PCDHGA10: variants seen among roughly 807,000 people sequenced by gnomAD.
The protein encoded by PCDHGA10 is protocadherin gamma subfamily A, 10.
Under a neutral mutation model 59.5 loss-of-function variants are expected in PCDHGA10, and 42 were observed. That is an observed-to-expected ratio of 0.71 (90% CI 0.55 to 0.91). The LOEUF is 0.91. PCDHGA10 is among the 40% of genes least tolerant of loss of function. PCDHGA10 has a pLI of 0.00. For missense variants in PCDHGA10, 1,111 were observed against 1,198.2 expected, an observed-to-expected ratio of 0.93 and a Z score of 1.07; for synonymous variants, 511 against 517.2, an observed-to-expected ratio of 0.99 and a Z score of 0.16.
intron 1 of PCDHGA10, among the ~76,000 whole-genome samples, chr5:141,424,884 T>C (rs953145254): frequency 2.0e-5 from 3 of 152,186 alleles, no homozygotes; most frequent in Non-Finnish European, 4.4e-5. Flanking sequence ...AGGAGACTTA[T>C]CTAGGGTTTT....
At position 141,476,409 on chromosome 5, in the gene PCDHGA10, G is replaced by A. The variant is rs1226666958; in HGVS notation, c.2437-18398G>A. The A allele has an allele frequency of 6.2e-7, 1 of 1,614,154 alleles. No homozygotes were observed. The highest frequency in any genetic ancestry group is 1.7e-5 in the Admixed American group (1 of 60,030). ...GACCGTCTGGATCGAGAGGAGCTGT[G>A]TGGGACACTGCCCTCTTGCACTGTA... is the stretch of plus-strand genomic sequence containing the variant. On this transcript the variant is annotated intron_variant, in intron 1 of 3. Coordinates refer to ENST00000398610, the MANE Select transcript of PCDHGA10 (RefSeq NM_018913.3). The surrounding 1 kb of genome is among the most constrained non-coding windows in gnomAD (Gnocchi z 7.6).
chr5:141,458,593 C>T (rs1352799952), intron 1 of PCDHGA10, among the ~76,000 whole-genome samples: 4 of 151,402 alleles, frequency 2.6e-5, no homozygotes, highest in Non-Finnish European at 5.9e-5. Flanking sequence ...GTTTTGGAGA[C>T]GAGTCTCACT....
chr5:141,441,923 C>A, intron 1 of PCDHGA10: 2 of 351,136 alleles, frequency 5.7e-6, no homozygotes, highest in Non-Finnish European at 5.5e-6. Context: ...AGACACAATG[C>A]GTGGCTGTCC....
chr5:141,425,934 G>A lies in PCDHGA10; in HGVS notation c.2436+10323G>A, dbSNP rs1237431530. Among the ~76,000 whole-genome samples, 4 of 152,352 alleles carry A rather than the reference G, an allele frequency of 2.6e-5. 1 individual carries two copies. Among genetic ancestry groups the A allele is most frequent in the East Asian group, 1.9e-4 (1 of 5,188 alleles). On this transcript the variant is annotated intron_variant, in intron 1 of 3. Coordinates refer to ENST00000398610, the MANE Select transcript of PCDHGA10 (RefSeq NM_018913.3). ...CAGTCACTACGAAAACTCATAAAAT[G>A]TCTAGTTTCCTATACATTAGTCCAA...
Position 141,413,423 on chromosome 5 carries a change from C to A in PCDHGA10, c.248C>A (p.Pro83Gln), listed in dbSNP as rs770419729. 6.2e-7 allele frequency: 1 copy of A among 1,614,078 alleles called. No individual in the cohort carries two copies. The highest frequency in any genetic ancestry group is 8.5e-7 in the Non-Finnish European group (1 of 1,179,960). The change falls in exon 1 of 4, where the codon CCG (proline) becomes CAG (glutamine). Residue 83 changes from proline (P) to glutamine (Q), a missense_variant. Transcript: ENST00000398610. ...RGRTQLFSLN[P>Q]RSGSLITAGR... Reference sequence around the variant, plus strand: ...AGGACGCAGCTTTTCTCTCTGAACCCGCGCAGCGGCAGCTTGATCACCGCG... The same window carrying A: ...AGGACGCAGCTTTTCTCTCTGAACCAGCGCAGCGGCAGCTTGATCACCGCG...
At position 141,486,706 on chromosome 5, in the gene PCDHGA10, C is replaced by G; in HGVS notation, c.2437-8101C>G. 6.2e-7 allele frequency: 1 copy of G among 1,614,154 alleles called. No homozygotes were observed. Among genetic ancestry groups the G allele is most frequent in the Non-Finnish European group, 8.5e-7 (1 of 1,180,024 alleles). ...CAGCTTCCTCTTTCATCTCTCTGAA[C>G]CCCCAGACAGGAGCTGTTCATGCTA... On this transcript the variant is annotated intron_variant, in intron 1 of 3. Coordinates refer to ENST00000398610, the MANE Select transcript of PCDHGA10 (RefSeq NM_018913.3). This position sits in a 1 kb window ranked among gnomAD's most constrained non-coding sequence, Gnocchi z 5.0.
At chr5:141,500,499 G>A (rs531501031) in intron 2 of PCDHGA10, among the ~76,000 whole-genome samples, 11 of 151,970 alleles carry the variant, frequency 7.2e-5, no homozygotes, top group African/African-American at 2.7e-4. Context: ...GTGAGCCACC[G>A]CGCCTGGCCG....
At chr5:141,461,617 C>T (rs1297064745) in intron 1 of PCDHGA10, among the ~76,000 whole-genome samples, 1 of 152,090 alleles carries the variant, frequency 6.6e-6, no homozygotes, top group African/African-American at 2.4e-5. Flanking sequence ...AAAGTATTTT[C>T]TAATACACCT....
chr5:141,503,268 C>A (rs1038268807), intron 2 of PCDHGA10, among the ~76,000 whole-genome samples: 6 of 152,068 alleles, frequency 3.9e-5, no homozygotes, highest in African/African-American at 7.2e-5. Context: ...AACCCCAGCA[C>A]CTGGCTCTGT....
intron 1 of PCDHGA10, chr5:141,419,328 C>T (rs2096360351): frequency 6.2e-7 from 1 of 1,613,954 alleles, no homozygotes. Context: ...GTCTCCTACT[C>T]TCTCATTGCC....
chr5:141,503,812 G>C (rs2099831825), intron 2 of PCDHGA10, among the ~76,000 whole-genome samples: 1 of 152,114 alleles, frequency 6.6e-6, no homozygotes, highest in South Asian at 2.1e-4. Context: ...GGGAATCCCA[G>C]ATTGGGCAAA....
intron 1 of PCDHGA10, among the ~76,000 whole-genome samples, chr5:141,455,803 A>C (rs1197986124): frequency 2.6e-5 from 4 of 152,068 alleles, no homozygotes; most frequent in Non-Finnish European, 4.4e-5. Flanking sequence ...TGCTTTAAAA[A>C]ATGAAAACTT....
At chr5:141,464,870 C>G (rs1488189681) in intron 1 of PCDHGA10, among the ~76,000 whole-genome samples, 1 of 152,126 alleles carries the variant, frequency 6.6e-6, no homozygotes, top group Non-Finnish European at 1.5e-5. Flanking sequence ...TCCCAAGTAG[C>G]TAGGACTACA....
At chr5:141,453,288 A>T (rs931678565) in intron 1 of PCDHGA10, among the ~76,000 whole-genome samples, 18 of 151,342 alleles carry the variant, frequency 1.2e-4, no homozygotes, top group Admixed American at 3.3e-4. Context: ...TAATTTTTTA[A>T]TTATTTATTT....
chr5:141,431,375 G>C lies in PCDHGA10; in HGVS notation c.2436+15764G>C. ...ACGCGCCCTGGACCGCGAAGAAAAG[G>C]CTGCTCACCACCTGGTCCTTACGGC... On this transcript the variant is annotated intron_variant, in intron 1 of 3. Transcript: ENST00000398610. This position sits in a 1 kb window ranked among gnomAD's most constrained non-coding sequence, Gnocchi z 4.8. 6.2e-7 allele frequency: 1 copy of C among 1,613,422 alleles called. No individual in the cohort carries two copies. The highest frequency in any genetic ancestry group is 8.5e-7 in the Non-Finnish European group (1 of 1,179,570).
chr5:141,460,979 GTGTGTATATATATATA>G (rs2099004425), intron 1 of PCDHGA10, among the ~76,000 whole-genome samples: 1 of 134,290 alleles, frequency 7.4e-6, no homozygotes, highest in Non-Finnish European at 1.5e-5. Flanking sequence ...GTGTGTGTGT[GTGTGTATATATATATA>G]TGTGTATATA....
chr5:141,489,268 G>C lies in PCDHGA10; in HGVS notation c.2437-5539G>C. 6.4e-7 allele frequency: 1 copy of C among 1,553,286 alleles called. No individual in the cohort carries two copies. The highest frequency in any genetic ancestry group is 8.7e-7 in the Non-Finnish European group (1 of 1,149,780). ...GGGGCCCAAGACACTCCCACAGCTC[G>C]CTGGGAAATGGCAAGTGCTGTGCAT... On this transcript the variant is annotated intron_variant, in intron 1 of 3. Transcript: ENST00000398610. The surrounding 1 kb of genome is among the most constrained non-coding windows in gnomAD (Gnocchi z 4.5).
intron 1 of PCDHGA10, among the ~76,000 whole-genome samples, chr5:141,492,170 C>A (rs1383768075): frequency 6.6e-6 from 1 of 152,226 alleles, no homozygotes; most frequent in Non-Finnish European, 1.5e-5. Context: ...ATCCCCGCAT[C>A]ACCCAACCGC....
In PCDHGA10 at chr5:141,491,219, C is replaced by T; in HGVS notation, c.2437-3588C>T. ...GGTGACCCTTCACTCTCCTCCACAG[C>T]CACAGTGCTGCTGGTTCTGGAGGAT... is the stretch of plus-strand genomic sequence containing the variant. On this transcript the variant is annotated intron_variant, in intron 1 of 3. Coordinates refer to ENST00000398610, the MANE Select transcript of PCDHGA10 (RefSeq NM_018913.3). The surrounding 1 kb of genome is among the most constrained non-coding windows in gnomAD (Gnocchi z 6.9). 3 of 1,614,208 alleles carry T rather than the reference C, an allele frequency of 1.9e-6. No homozygotes were observed. The highest frequency in any genetic ancestry group is 2.5e-6 in the Non-Finnish European group (3 of 1,180,028).
Sources: gnomAD v4.1 joint callset for allele counts (sites outside exome capture counted in the v4.1 genomes callset) on GRCh38, gnomAD v4.1.1 for gene constraint, Gnocchi (gnomAD v3.1) non-coding constraint, MANE v1.5 for transcripts, NCBI Gene and HGNC (gene_info 2026-07-23, HGNC 2026-07-21) for gene names.